The following CDH13 variants were observed in gnomAD, a reference collection of about 807,000 sequenced individuals.
CDH13 encodes the protein cadherin-13.
In CDH13, 24 loss-of-function variants were observed where a neutral mutation model predicts 63.8. The observed-to-expected ratio is 0.38, with a 90% CI of 0.27 to 0.53. CDH13 has a LOEUF of 0.53. Ranked by LOEUF, CDH13 falls within the 20% of genes least tolerant of loss-of-function variation. The pLI is 0.85. For synonymous variants in CDH13, 503 were observed against 355.3 expected, an observed-to-expected ratio of 1.42 and a Z score of -4.67; for missense variants, 1,049 against 903.1, an observed-to-expected ratio of 1.16 and a Z score of -2.07.
At chr16:82,832,812 T>C (rs553304122) in intron 1 of CDH13, among the ~76,000 whole-genome samples, 1 of 152,350 alleles carries the variant, frequency 6.6e-6, no homozygotes, top group African/African-American at 2.4e-5. Context: ...GAGCATCTAC[T>C]GGGTGACAAT....
intron 4 of CDH13, among the ~76,000 whole-genome samples, chr16:83,204,184 C>G (rs555724715): frequency 6.6e-6 from 1 of 152,180 alleles, no homozygotes; most frequent in African/African-American, 2.4e-5. Context: ...GGGTTGAGTG[C>G]TCCTACCCAA....
chr16:83,058,542 C>G (rs2031190708), intron 3 of CDH13, among the ~76,000 whole-genome samples: 1 of 152,138 alleles, frequency 6.6e-6, no homozygotes, highest in African/African-American at 2.4e-5. Flanking sequence ...ACCATGTTGC[C>G]AAGAGATGGC....
intron 1 of CDH13, chr16:82,639,224 C>T: frequency 2.0e-6 from 1 of 501,388 alleles, no homozygotes; most frequent in Non-Finnish European, 3.5e-6. Flanking sequence ...GGGATGACTA[C>T]TTTTTTGAGT....
At chr16:83,661,699 T>C (rs1035562431) in intron 8 of CDH13, among the ~76,000 whole-genome samples, 1 of 152,206 alleles carries the variant, frequency 6.6e-6, no homozygotes, top group African/African-American at 2.4e-5. Flanking sequence ...CAGGGTCATG[T>C]AGAGGAAGAG....
chr16:83,104,696 A>T (rs1255734973), intron 3 of CDH13, among the ~76,000 whole-genome samples: 2 of 152,152 alleles, frequency 1.3e-5, no homozygotes, highest in Non-Finnish European at 2.9e-5. Flanking sequence ...AATAATGTTG[A>T]ATTTCAGTCG....
chr16:82,926,105 T>G (rs1447097915), intron 2 of CDH13: 1 of 152,158 alleles, frequency 6.6e-6, no homozygotes, highest in Non-Finnish European at 1.5e-5. Context: ...AATGGATACA[T>G]TCCACTAGGC....
intron 5 of CDH13, among the ~76,000 whole-genome samples, chr16:83,240,082 G>A (rs1419623463): frequency 4.6e-5 from 7 of 152,166 alleles, no homozygotes; most frequent in East Asian, 1.9e-4. Context: ...GTTGCAAATC[G>A]TAGGGCCCCA....
chr16:83,353,558 T>C (rs2090999532), intron 6 of CDH13, among the ~76,000 whole-genome samples: 1 of 152,262 alleles, frequency 6.6e-6, no homozygotes, highest in African/African-American at 2.4e-5. Context: ...GTTTCTTCTT[T>C]AATGTGAATA....
chr16:83,195,282 A>G (rs2038846896), intron 4 of CDH13, among the ~76,000 whole-genome samples: 1 of 152,242 alleles, frequency 6.6e-6, no homozygotes, highest in South Asian at 2.1e-4. Context: ...ATGATATAAT[A>G]TGTGTATTAT....
chr16:83,348,372 G>A (rs1168689055), intron 6 of CDH13, among the ~76,000 whole-genome samples: 1 of 152,196 alleles, frequency 6.6e-6, no homozygotes, highest in Non-Finnish European at 1.5e-5. Flanking sequence ...CAGGCCCATT[G>A]AATCACCTCT....
intron 10 of CDH13, among the ~76,000 whole-genome samples, chr16:83,683,521 G>A (rs897870654): frequency 1.3e-5 from 2 of 152,114 alleles, no homozygotes; most frequent in Non-Finnish European, 2.9e-5. Context: ...AGTATACGCT[G>A]AACAGCTTTC....
At chr16:83,661,604 C>A (rs943179565) in intron 8 of CDH13, among the ~76,000 whole-genome samples, 9 of 152,166 alleles carry the variant, frequency 5.9e-5, no homozygotes, top group African/African-American at 2.2e-4. Flanking sequence ...AGGGCAAAGA[C>A]CTGCTTTGTT....
At chr16:82,967,231 C>A (rs1168447567) in intron 2 of CDH13, among the ~76,000 whole-genome samples, 2 of 152,080 alleles carry the variant, frequency 1.3e-5, no homozygotes, top group African/African-American at 4.8e-5. Flanking sequence ...ATGGCTTTAC[C>A]CCATCACATC....
chr16:82,739,242 T>A lies in CDH13; in HGVS notation c.45+112105T>A, dbSNP rs560915927. Among the ~76,000 whole-genome samples the A allele has an allele frequency of 5.9e-5, 9 of 152,318 alleles. No individual in the cohort carries two copies. In the South Asian group the frequency reaches 1.9e-3, roughly 32 times the overall value. On this transcript the variant is annotated intron_variant, in intron 1 of 13. Transcript: ENST00000567109. ...ATTACATAAATCAGAGGAAAAATCC[T>A]TTTCAGATGATATGCCCTTATGTGT...
chr16:82,668,595 A>T (rs943043852), intron 1 of CDH13, among the ~76,000 whole-genome samples: 1 of 152,180 alleles, frequency 6.6e-6, no homozygotes, highest in African/African-American at 2.4e-5. Context: ...GTGAACAATG[A>T]TAAGAGTTTG....
chr16:83,358,118 T>G (rs554725307), intron 6 of CDH13, among the ~76,000 whole-genome samples: 1 of 152,276 alleles, frequency 6.6e-6, no homozygotes, highest in East Asian at 1.9e-4. Flanking sequence ...GTAACAGACC[T>G]CAGTATACCT....
chr16:83,541,234 T>C (rs1477103504), intron 7 of CDH13, among the ~76,000 whole-genome samples: 1 of 152,180 alleles, frequency 6.6e-6, no homozygotes, highest in Non-Finnish European at 1.5e-5. Flanking sequence ...TGCCCAACAC[T>C]CTTCCTTAGA....
In CDH13 at chr16:83,552,021, G is replaced by A. The variant is rs555841607; in HGVS notation, c.961-50433G>A. ...ATGCATGACAAAATGAATGGAATAA[G>A]TAATTGAATGGATTCATAAACTGAT... On this transcript the variant is annotated intron_variant, in intron 7 of 13. Transcript: ENST00000567109. Among the ~76,000 whole-genome samples, 3 of 152,170 alleles carry A rather than the reference G, an allele frequency of 2.0e-5. No homozygotes were observed. In the South Asian group the frequency reaches 6.2e-4, roughly 32 times the overall value.
At chr16:83,342,742 A>G (rs1484120698) in intron 5 of CDH13, among the ~76,000 whole-genome samples, 1 of 151,038 alleles carries the variant, frequency 6.6e-6, no homozygotes, top group Admixed American at 6.6e-5. Flanking sequence ...TACCTATCCT[A>G]CTTGTAGCTT....
Sources: gnomAD v4.1 joint callset for allele counts (sites outside exome capture counted in the v4.1 genomes callset) on GRCh38, gnomAD v4.1.1 for gene constraint, MANE v1.5 for transcripts, NCBI Gene and HGNC (gene_info 2026-07-23, HGNC 2026-07-21) for gene names.